OTUD7A: variants seen among roughly 807,000 people sequenced by gnomAD.
OTUD7A encodes the protein OTU domain-containing protein 7A.
Under a neutral mutation model 65.7 loss-of-function variants are expected in OTUD7A, and 12 were observed. The ratio of observed to expected loss-of-function variants is 0.18; its 90% CI spans 0.12 to 0.30. The LOEUF (loss-of-function observed/expected upper bound fraction) is 0.30, where lower values mean the gene tolerates loss of function less well. Among genes scored for constraint, OTUD7A ranks in the 10% least tolerant of loss-of-function variants. The pLI, the probability that OTUD7A is intolerant of heterozygous loss-of-function variation, is 1.00. For missense variants in OTUD7A, 1,148 were observed against 1,304.8 expected (o/e 0.88, Z 1.85); for synonymous variants, 641 against 586.3 (o/e 1.09, Z -1.35).
At chr15:31,568,373 T>G (rs1466667066) in intron 4 of OTUD7A, among the ~76,000 whole-genome samples, 1 of 152,266 alleles carries the variant, frequency 6.6e-6, no homozygotes, top group Non-Finnish European at 1.5e-5. Context: ...AGCCCCTTTC[T>G]TTTGGCCAAT....
At chr15:31,852,197 T>C (rs1452588161) in intron 1 of OTUD7A, among the ~76,000 whole-genome samples, 3 of 152,158 alleles carry the variant, frequency 2.0e-5, no homozygotes, top group Non-Finnish European at 2.9e-5. Flanking sequence ...TTGCCAGCAA[T>C]TGAAGACAGT....
chr15:31,599,867 C>T (rs1346538682), intron 3 of OTUD7A, among the ~76,000 whole-genome samples: 2 of 151,688 alleles, frequency 1.3e-5, no homozygotes, highest in African/African-American at 2.4e-5. Context: ...ATAGCCGAGT[C>T]GATCAAGCGG....
chr15:31,487,122 C>T lies in OTUD7A; in HGVS notation c.1371+72G>A, dbSNP rs1051273433. ...GAGTGTGGGAGCATTTGGGAGGATGCACCCTGGTCAGACTGGAGCTGAGCA... is the reference window on the plus strand; with the variant it reads ...GAGTGTGGGAGCATTTGGGAGGATGTACCCTGGTCAGACTGGAGCTGAGCA... On this transcript the variant is annotated intron_variant, in intron 12 of 12. Coordinates refer to ENST00000307050, the MANE Select transcript of OTUD7A (RefSeq NM_001382637.1). The surrounding 1 kb of genome is among the most constrained non-coding windows in gnomAD (Gnocchi z 6.0). The T allele has an allele frequency of 2.8e-6, 4 of 1,446,576 alleles. No individual in the cohort carries two copies. Among genetic ancestry groups the T allele is most frequent in the Non-Finnish European group, 3.8e-6 (4 of 1,043,424 alleles). The allele number at this position is 1,446,576 out of a possible 1,614,324, so 89.6% of individuals were successfully genotyped here.
At chr15:31,720,525 C>T (rs1182955405) in intron 1 of OTUD7A, among the ~76,000 whole-genome samples, 1 of 151,794 alleles carries the variant, frequency 6.6e-6, no homozygotes, top group African/African-American at 2.4e-5. Context: ...CTCAGCCTCC[C>T]GAGTAGCTGG....
chr15:31,598,696 C>G (rs188264985), intron 3 of OTUD7A, among the ~76,000 whole-genome samples: 1 of 152,174 alleles, frequency 6.6e-6, no homozygotes, highest in Non-Finnish European at 1.5e-5. Context: ...AGTCAGGAAG[C>G]CAAGTGGTCT....
In OTUD7A at chr15:31,530,186, C is replaced by A. The variant is rs563715545; in HGVS notation, c.652+521G>T. 9.2e-5 allele frequency among the ~76,000 whole-genome samples: 14 copies of A among 152,288 alleles called. No individual in the cohort carries two copies. In the East Asian group the frequency reaches 2.5e-3, roughly 27 times the overall value. ...CTACGTCTGTTTCCATTAGTCCATG[C>A]CAACTGTTGACTGCTGTCAACATAG... On this transcript the variant is annotated intron_variant, in intron 6 of 12. Transcript: ENST00000307050.
intron 1 of OTUD7A, among the ~76,000 whole-genome samples, chr15:31,835,424 C>T (rs186598842): frequency 1.6e-4 from 24 of 152,222 alleles, no homozygotes; most frequent in Admixed American, 1.2e-3. Context: ...TTTGACCTTC[C>T]AAAAACCATC....
intron 5 of OTUD7A, among the ~76,000 whole-genome samples, chr15:31,543,255 G>C (rs927075936): frequency 2.0e-4 from 31 of 151,806 alleles, no homozygotes; most frequent in Admixed American, 1.8e-3. Context: ...TGATTCATAC[G>C]CATATTTTAG....
intron 1 of OTUD7A, among the ~76,000 whole-genome samples, chr15:31,810,342 GCCA>G (rs1406963154): frequency 3.9e-5 from 6 of 152,138 alleles, no homozygotes; most frequent in Non-Finnish European, 8.8e-5. Context: ...TGACGTCCTA[GCCA>G]CCAACATGAC....
At chr15:31,605,143 G>A (rs1443592238) in intron 3 of OTUD7A, among the ~76,000 whole-genome samples, 1 of 152,190 alleles carries the variant, frequency 6.6e-6, no homozygotes, top group Non-Finnish European at 1.5e-5. Context: ...TTGGGTGGGA[G>A]TTAGAACTTA....
chr15:31,768,310 G>A (rs1157027925), intron 1 of OTUD7A: 4 of 652,352 alleles, frequency 6.1e-6, no homozygotes, highest in Non-Finnish European at 1.1e-5. Context: ...CCGCCAACTT[G>A]TATAGCATAG....
chr15:31,845,273 T>C (rs761222285), intron 1 of OTUD7A, among the ~76,000 whole-genome samples: 2 of 152,160 alleles, frequency 1.3e-5, no homozygotes, highest in Admixed American at 1.3e-4. Flanking sequence ...CACACCTTGT[T>C]CCATGTCCTG....
chr15:31,607,836 A>C (rs759477051), intron 3 of OTUD7A, among the ~76,000 whole-genome samples: 21 of 152,166 alleles, frequency 1.4e-4, no homozygotes, highest in Non-Finnish European at 2.8e-4. Context: ...TGTGTAAATG[A>C]ACTCTGTGAT....
rs2041103485 is a variant in OTUD7A, at chr15:31,480,619, G to A, written c.*2675C>T. 6.6e-6 allele frequency: 1 copy of A among 150,532 alleles called. No individual in the cohort carries two copies. Among genetic ancestry groups the A allele is most frequent in the African/African-American group, 2.5e-5 (1 of 40,786 alleles). The allele number at this position is 150,532 out of a possible 1,614,324, so 9.3% of individuals were successfully genotyped here. On this transcript the variant is annotated 3_prime_UTR_variant, in exon 13 of 13. Transcript: ENST00000307050. ...AATAGTTTCTGGCCAGCCTGCTGAA[G>A]TTGGTCTCTGGCCAGGGACGAGGTC...
chr15:31,618,999 C>T (rs1011486683), intron 3 of OTUD7A, among the ~76,000 whole-genome samples: 6 of 152,158 alleles, frequency 3.9e-5, no homozygotes, highest in African/African-American at 7.2e-5. Context: ...ATATGGCTAG[C>T]CAGTTTTCCC....
chr15:31,543,413 T>C (rs900606301), intron 5 of OTUD7A, among the ~76,000 whole-genome samples: 2 of 151,848 alleles, frequency 1.3e-5, no homozygotes, highest in African/African-American at 4.8e-5. Flanking sequence ...AAAATGGCAA[T>C]TGCATTAAAA....
chr15:31,755,995 G>C (rs1894802552), intron 1 of OTUD7A, among the ~76,000 whole-genome samples: 2 of 152,316 alleles, frequency 1.3e-5, no homozygotes, highest in Non-Finnish European at 2.9e-5. Context: ...ATGAGTCACA[G>C]AGCAAGGGAG....
At position 31,572,579 on chromosome 15, in the gene OTUD7A, G is replaced by A. The variant is rs183258167; in HGVS notation, c.152-2382C>T. ...TGTCTTAAGAGGCAGTGGATTTCAAGTTAAACTTAACATATGTATTTTGGC... is the reference window on the plus strand; with the variant it reads ...TGTCTTAAGAGGCAGTGGATTTCAAATTAAACTTAACATATGTATTTTGGC... On this transcript the variant is annotated intron_variant, in intron 3 of 12. Coordinates refer to ENST00000307050, the MANE Select transcript of OTUD7A (RefSeq NM_001382637.1). 2.8e-3 allele frequency among the ~76,000 whole-genome samples: 426 copies of A among 152,234 alleles called. 4 individuals are homozygous for A. Among genetic ancestry groups the A allele is most frequent in the African/African-American group, 9.8e-3 (409 of 41,530 alleles).
At chr15:31,657,174 C>T (rs2141280079) in intron 1 of OTUD7A, 97 bp from the exon 2 acceptor site, 1 of 152,766 alleles carries the variant, frequency 6.5e-6, no homozygotes, top group South Asian at 2.1e-4. Context: ...GGATCTTGGC[C>T]TTGGCCAATT....
Sources: gnomAD v4.1 joint callset for allele counts (sites outside exome capture counted in the v4.1 genomes callset) on GRCh38, gnomAD v4.1.1 for gene constraint, Gnocchi (gnomAD v3.1) non-coding constraint, MANE v1.5 for transcripts, NCBI Gene and HGNC (gene_info 2026-07-23, HGNC 2026-07-21) for gene names.